The following PAIP1 variants were observed in gnomAD, a reference collection of about 807,000 sequenced individuals.
The protein encoded by PAIP1 is poly(A) binding protein interacting protein 1.
In PAIP1, 16 loss-of-function variants were observed where a neutral mutation model predicts 61.3. That is an observed-to-expected ratio of 0.26 (90% CI 0.18 to 0.40). PAIP1 has a LOEUF of 0.40. PAIP1 is among the 10% of genes least tolerant of loss of function. The pLI is 1.00. For synonymous variants in PAIP1, 187 were observed against 226.2 expected (o/e 0.83, Z 1.56); for missense variants, 416 against 600.9 (o/e 0.69, Z 3.22).
At chr5:43,549,284 C>T (rs1169475065) in intron 2 of PAIP1, among the ~76,000 whole-genome samples, 1 of 152,120 alleles carries the variant, frequency 6.6e-6, no homozygotes, top group African/African-American at 2.4e-5. Flanking sequence ...TCCACTTGTC[C>T]CTTTACTGTT....
intron 3 of PAIP1, among the ~76,000 whole-genome samples, chr5:43,544,490 C>A (rs6890419): frequency 0.071 from 10,776 of 152,164 alleles, 641 homozygotes; most frequent in African/African-American, 0.16. Context: ...TGTCATTCAA[C>A]AGTTTCCTAC....
chr5:43,556,928 G>C lies in PAIP1; in HGVS notation c.-82C>G, dbSNP rs1226187913. On this transcript the variant is annotated 5_prime_UTR_variant, in exon 1 of 11. Coordinates refer to ENST00000306846, the MANE Select transcript of PAIP1 (RefSeq NM_006451.5). The stretch of plus-strand genomic sequence containing the variant: ...ACGCGGGGGGAAGGCGCCGCGGGTC[G>C]GCTATAGCCGCCGCGCCTCACTCGG... The C allele has an allele frequency of 5.4e-6, 7 of 1,292,292 alleles. No individual in the cohort carries two copies. The highest frequency in any genetic ancestry group is 2.2e-5 in the South Asian group (1 of 44,592). 80.1% of individuals were successfully genotyped at this position (1,292,292 alleles called of 1,614,324 possible). A position where few individuals can be genotyped will look rare whatever the true frequency, so the allele number is the denominator to read the frequency against.
chr5:43,548,902 T>C (rs745786069), intron 2 of PAIP1, among the ~76,000 whole-genome samples: 65 of 152,298 alleles, frequency 4.3e-4, no homozygotes, highest in Non-Finnish European at 6.9e-4. Context: ...AAGTCATACA[T>C]GGTCAAAACA....
chr5:43,532,217 A>G (rs1008264756), intron 9 of PAIP1, among the ~76,000 whole-genome samples: 4 of 152,318 alleles, frequency 2.6e-5, no homozygotes, highest in South Asian at 2.1e-4. Context: ...AAATAATCAA[A>G]ATAAATCAAG....
chr5:43,554,438 A>G (rs978049667), intron 2 of PAIP1, among the ~76,000 whole-genome samples: 6 of 152,102 alleles, frequency 3.9e-5, no homozygotes, highest in Admixed American at 2.0e-4. Flanking sequence ...TTTTCACCCC[A>G]TATCAATTGC....
At chr5:43,553,615 G>A (rs35966682) in intron 2 of PAIP1, among the ~76,000 whole-genome samples, 2,106 of 152,064 alleles carry the variant, frequency 0.014, 58 homozygotes, top group East Asian at 0.13. Flanking sequence ...CCTAAGAGTC[G>A]GGGGAAAAAA....
At chr5:43,534,817 C>A in intron 8 of PAIP1, 36 bp downstream of exon 8, 1 of 1,101,038 alleles carries the variant, frequency 9.1e-7, no homozygotes, top group Non-Finnish European at 1.4e-6. Context: ...GGAATTCAAG[C>A]AATAAGTAAA....
chr5:43,542,674 T>C (rs1210810557), intron 4 of PAIP1, among the ~76,000 whole-genome samples: 1 of 151,978 alleles, frequency 6.6e-6, no homozygotes, highest in Non-Finnish European at 1.5e-5. Context: ...GCAATTCAAA[T>C]CAATAAGGAA....
chr5:43,531,649 T>G (rs529395417), intron 9 of PAIP1, among the ~76,000 whole-genome samples: 92 of 35,498 alleles, frequency 2.6e-3, no homozygotes, highest in African/African-American at 5.9e-3. Flanking sequence ...AGAGTGAGAC[T>G]CTGTCTCAAA....
intron 10 of PAIP1, 85 bp downstream of exon 10, chr5:43,529,701 A>C (rs1369027648): frequency 1.1e-5 from 9 of 802,956 alleles, no homozygotes; most frequent in Non-Finnish European, 2.0e-5. Flanking sequence ...CCCAAACACC[A>C]TTCCTTCATG....
chr5:43,534,755 TA>T, intron 8 of PAIP1, 97 bp downstream of exon 8: 1 of 717,188 alleles, frequency 1.4e-6, no homozygotes, highest in South Asian at 1.6e-5. Flanking sequence ...AGACAGTTAT[TA>T]GGCACTGAAT....
chr5:43,530,401 T>TA (rs1746888700), intron 9 of PAIP1, among the ~76,000 whole-genome samples: 3 of 152,226 alleles, frequency 2.0e-5, no homozygotes, highest in Non-Finnish European at 2.9e-5. Context: ...CAGGTGATAT[T>TA]ACACCTATCT....
intron 1 of PAIP1, 44 bp downstream of exon 1, chr5:43,556,538 A>G (rs1309567236): frequency 3.2e-6 from 4 of 1,241,024 alleles, no homozygotes; most frequent in South Asian, 4.1e-5. Context: ...GCCGTGGGGA[A>G]GCGTTCGCCA....
chr5:43,543,269 C>G (rs1044266075), intron 3 of PAIP1, among the ~76,000 whole-genome samples, 153 bp from the exon 4 acceptor site: 2 of 145,042 alleles, frequency 1.4e-5, no homozygotes, highest in African/African-American at 5.0e-5. Flanking sequence ...AAATTAAATT[C>G]ACTTTCCCTC....
At chr5:43,535,823 TGAGA>T (rs1268994693) in intron 6 of PAIP1, among the ~76,000 whole-genome samples, 183 bp from the exon 7 acceptor site, 1 of 152,214 alleles carries the variant, frequency 6.6e-6, no homozygotes, top group East Asian at 1.9e-4. Flanking sequence ...TTCTCTTGAC[TGAGA>T]GAAACTAAAA....
intron 2 of PAIP1, among the ~76,000 whole-genome samples, chr5:43,550,767 A>C (rs1252648674): frequency 6.7e-6 from 1 of 149,182 alleles, no homozygotes; most frequent in Non-Finnish European, 1.5e-5. Context: ...TGAATAAAGC[A>C]GACAAGGCTC....
chr5:43,533,966 A>G (rs1026447364), intron 8 of PAIP1, among the ~76,000 whole-genome samples, 174 bp from the exon 9 acceptor site: 2 of 152,230 alleles, frequency 1.3e-5, no homozygotes, highest in East Asian at 3.8e-4. Context: ...TATGGTTTTC[A>G]GATTTCCATG....
chr5:43,536,027 T>C (rs1747140315), intron 6 of PAIP1, among the ~76,000 whole-genome samples: 1 of 147,298 alleles, frequency 6.8e-6, no homozygotes, highest in Non-Finnish European at 1.5e-5. Context: ...AGGAAATAAA[T>C]CAGTTAAGGA....
chr5:43,527,519 G>C, intron 10 of PAIP1, 50 bp from the exon 11 acceptor site: 1 of 1,487,188 alleles, frequency 6.7e-7, no homozygotes, highest in Non-Finnish European at 9.2e-7. Flanking sequence ...AACTCAGAAA[G>C]TAAGATGCTA....
Sources: allele counts gnomAD v4.1 joint callset (sites outside exome capture counted in the v4.1 genomes callset), GRCh38; gene constraint gnomAD v4.1.1; transcripts MANE v1.5; gene names NCBI Gene and HGNC (gene_info 2026-07-23, HGNC 2026-07-21).